The following OVCH1 variants were observed in gnomAD, a reference collection of about 807,000 sequenced individuals.
OVCH1 encodes the protein ovochymase 1.
OVCH1 carries 139 observed loss-of-function variants against 138.4 expected under a neutral mutation model. The observed-to-expected ratio is 1.00, with a 90% CI of 0.87 to 1.16. The LOEUF is 1.16. Ranked by LOEUF, OVCH1 falls within the 50% of genes most tolerant of loss-of-function variation. The pLI is 0.00. For missense variants in OVCH1, 1,367 were observed against 1,357.9 expected (o/e 1.01, Z -0.11); for synonymous variants, 453 against 467.8 (o/e 0.97, Z 0.41).
downstream of OVCH1, among the ~76,000 whole-genome samples, chr12:29,426,920 T>G (rs1941189410): frequency 6.6e-6 from 1 of 152,222 alleles, no homozygotes; most frequent in East Asian, 1.9e-4. Flanking sequence ...TACTTCATTT[T>G]AACTAATTTA....
chr12:29,409,262 C>A (rs1940922132), downstream of OVCH1, among the ~76,000 whole-genome samples: 1 of 152,156 alleles, frequency 6.6e-6, no homozygotes, highest in Non-Finnish European at 1.5e-5. Context: ...AAACCAGCTC[C>A]TGGATTCATT....
chr12:29,477,307 A>G, intron 11 of OVCH1, 34 bp downstream of exon 11: 3 of 1,613,682 alleles, frequency 1.9e-6, no homozygotes, highest in Non-Finnish European at 2.5e-6. Context: ...CATCAAGGGA[A>G]AATGGCAAGG....
intron 26 of OVCH1, among the ~76,000 whole-genome samples, chr12:29,436,906 A>C (rs1381981647): frequency 6.6e-6 from 1 of 152,208 alleles, no homozygotes; most frequent in Non-Finnish European, 1.5e-5. Flanking sequence ...CTTCCACAGC[A>C]TGGAAAGGGA....
chr12:29,456,177 T>A (rs1040700626), intron 19 of OVCH1, among the ~76,000 whole-genome samples: 1 of 152,212 alleles, frequency 6.6e-6, no homozygotes. Context: ...AAGTGACCTG[T>A]CCCATTTCAC....
intron 8 of OVCH1, among the ~76,000 whole-genome samples, chr12:29,484,230 G>C (rs964363922): frequency 5.9e-5 from 9 of 152,164 alleles, no homozygotes; most frequent in Non-Finnish European, 1.2e-4. Context: ...TATAGGACAT[G>C]AACTATTTTC....
intron 25 of OVCH1, among the ~76,000 whole-genome samples, chr12:29,441,314 C>T (rs988863014): frequency 6.6e-6 from 1 of 152,068 alleles, no homozygotes; most frequent in South Asian, 2.1e-4. Flanking sequence ...GAAATAACGC[C>T]ACATATCTAC....
chr12:29,496,558 G>C (rs1464804132), exon 2 of OVCH1: 1 of 1,595,730 alleles, frequency 6.3e-7, no homozygotes, highest in Non-Finnish European at 8.6e-7. Flanking sequence ...GCACTGACCT[G>C]CCATGGATGT....
At chr12:29,417,417 T>G (rs7962424) in intron 3 of OVCH1, among the ~76,000 whole-genome samples, 2 of 143,414 alleles carry the variant, frequency 1.4e-5, no homozygotes, top group African/African-American at 5.3e-5. Flanking sequence ...GAGCCAAGAT[T>G]GTGCCACTGC....
intron 22 of OVCH1, among the ~76,000 whole-genome samples, chr12:29,447,632 T>C (rs950303641): frequency 6.6e-6 from 1 of 152,070 alleles, no homozygotes; most frequent in African/African-American, 2.4e-5. Context: ...CATAGAGAGG[T>C]CAAAGTTACT....
intron 1 of OVCH1, 100 bp from the exon 2 acceptor site, chr12:29,496,774 T>C (rs893336214): frequency 3.0e-5 from 24 of 806,286 alleles, no homozygotes; most frequent in Non-Finnish European, 4.4e-5. Context: ...GGCACAGACA[T>C]TCTGATAGCA....
At chr12:29,450,466 A>T (rs954348630) in intron 22 of OVCH1, among the ~76,000 whole-genome samples, 1 of 152,226 alleles carries the variant, frequency 6.6e-6, no homozygotes, top group Admixed American at 6.5e-5. Flanking sequence ...CCACAATAAG[A>T]TACCATCTCA....
intron 3 of OVCH1, among the ~76,000 whole-genome samples, chr12:29,416,398 C>T (rs569106689): frequency 2.0e-5 from 3 of 152,154 alleles, no homozygotes; most frequent in East Asian, 3.9e-4. Flanking sequence ...GGAACATCTG[C>T]AAACCATGTA....
intron 22 of OVCH1, among the ~76,000 whole-genome samples, chr12:29,449,276 T>TACACACACACACACAC (rs10651165): frequency 7.3e-6 from 1 of 137,340 alleles, no homozygotes; most frequent in Non-Finnish European, 1.6e-5. Context: ...CCCCCCTCCC[T>TACACACACACACACAC]ACACACACAC....
chr12:29,472,189 C>T (rs1294465078), intron 15 of OVCH1, among the ~76,000 whole-genome samples: 1 of 152,146 alleles, frequency 6.6e-6, no homozygotes, highest in Non-Finnish European at 1.5e-5. Context: ...AGGGACTGGC[C>T]TACAGAATTT....
chr12:29,444,837 G>A (rs1371999711), intron 23 of OVCH1, among the ~76,000 whole-genome samples: 2 of 151,958 alleles, frequency 1.3e-5, no homozygotes, highest in Non-Finnish European at 2.9e-5. Context: ...TAATATTTGT[G>A]TAGTTTGTTT....
At chr12:29,454,070 C>T (rs1941874276) in intron 21 of OVCH1, among the ~76,000 whole-genome samples, 3 of 152,084 alleles carry the variant, frequency 2.0e-5, no homozygotes, top group African/African-American at 7.2e-5. Context: ...TCCATCTATT[C>T]CCAAACACCT....
chr12:29,455,528 T>C, intron 19 of OVCH1, 123 bp from the exon 20 acceptor site: 1 of 1,148,164 alleles, frequency 8.7e-7, no homozygotes, highest in Non-Finnish European at 1.2e-6. Flanking sequence ...AAGATTTGTT[T>C]TGTCAATTTC....
At chr12:29,492,157 C>G (rs947688379) in intron 4 of OVCH1, among the ~76,000 whole-genome samples, 1 of 151,988 alleles carries the variant, frequency 6.6e-6, no homozygotes, top group Non-Finnish European at 1.5e-5. Flanking sequence ...CATGGAAAGT[C>G]TCATTGAGCA....
At chr12:29,481,526 A>G (rs1449815016) in intron 8 of OVCH1, among the ~76,000 whole-genome samples, 1 of 152,324 alleles carries the variant, frequency 6.6e-6, no homozygotes, top group East Asian at 1.9e-4. Context: ...TGTGATAACT[A>G]AGACATCCAG....
Sources: allele counts gnomAD v4.1 joint callset (sites outside exome capture counted in the v4.1 genomes callset), GRCh38; gene constraint gnomAD v4.1.1; transcripts MANE v1.5; gene names NCBI Gene and HGNC (gene_info 2026-07-23, HGNC 2026-07-21).